Variants in TAFA4 observed in about 807,000 individuals in gnomAD.
TAFA4 encodes TAFA chemokine like family member 4.
A neutral mutation model predicts 21.1 loss-of-function variants in TAFA4; 20 were observed. The observed-to-expected ratio is 0.95, with a 90% CI of 0.67 to 1.38. TAFA4 has a LOEUF of 1.38. Among genes scored for constraint, TAFA4 ranks in the 40% most tolerant of loss-of-function variants. The probability of loss-of-function intolerance (pLI) is 0.00; values close to 1 mark genes in which losing one functional copy is unlikely to be tolerated. For synonymous variants in TAFA4, 71 were observed against 67.4 expected (o/e 1.05, Z -0.26); for missense variants, 211 against 180.9 (o/e 1.17, Z -0.95).
chr3:68,733,087 A>G lies in TAFA4; in HGVS notation c.*55T>C. 2 of 1,610,814 alleles carry G rather than the reference A, an allele frequency of 1.2e-6. No homozygotes were observed. The highest frequency in any genetic ancestry group is 1.7e-6 in the Non-Finnish European group (2 of 1,178,452). ...AAGGGGCCATGATGGGAATCCAAGC[A>G]AAAGAGCTCCGCCTCCTGCTGCCCC... On this transcript the variant is annotated 3_prime_UTR_variant, in exon 6 of 6. Coordinates refer to ENST00000295569, the MANE Select transcript of TAFA4 (RefSeq NM_182522.5).
intron 1 of TAFA4, among the ~76,000 whole-genome samples, chr3:68,906,529 G>A (rs2089902427): frequency 6.6e-6 from 1 of 152,152 alleles, no homozygotes; most frequent in Non-Finnish European, 1.5e-5. Flanking sequence ...TAATAATTTG[G>A]GAAAGGTTGC....
At chr3:68,769,367 T>C (rs996671761) in intron 3 of TAFA4, among the ~76,000 whole-genome samples, 1 of 152,152 alleles carries the variant, frequency 6.6e-6, no homozygotes, top group Non-Finnish European at 1.5e-5. Context: ...AATGTAATAA[T>C]AATAGAAATA....
intron 5 of TAFA4, 21 bp from the exon 6 acceptor site, chr3:68,733,174 G>A (rs1229831516): frequency 1.2e-6 from 2 of 1,612,058 alleles, no homozygotes; most frequent in Non-Finnish European, 8.5e-7. Context: ...TCAAAATAAG[G>A]GAACATTCAA....
At chr3:68,880,686 G>A in intron 3 of TAFA4, 44 bp downstream of exon 3, 1 of 1,501,952 alleles carries the variant, frequency 6.7e-7, no homozygotes, top group Non-Finnish European at 9.3e-7. Flanking sequence ...CATTTGGAGG[G>A]GTTTTATTAT....
intron 1 of TAFA4, among the ~76,000 whole-genome samples, chr3:68,920,231 A>T (rs2107021211): frequency 6.6e-6 from 1 of 152,358 alleles, no homozygotes; most frequent in South Asian, 2.1e-4. Context: ...CCAGTAAGCA[A>T]AAAAATACAA....
At chr3:68,804,435 A>G (rs1488003627) in intron 3 of TAFA4, among the ~76,000 whole-genome samples, 1 of 152,196 alleles carries the variant, frequency 6.6e-6, no homozygotes, top group African/African-American at 2.4e-5. Context: ...TCTTCACAGA[A>G]TTGGAAAAAA....
intron 3 of TAFA4, among the ~76,000 whole-genome samples, chr3:68,820,863 CATGTT>C (rs748954114): frequency 1.2e-4 from 19 of 152,126 alleles, no homozygotes; most frequent in Non-Finnish European, 2.8e-4. Flanking sequence ...ATTAAAGTCT[CATGTT>C]ATGCACAAAA....
chr3:68,879,876 C>A (rs1446913714), intron 3 of TAFA4, among the ~76,000 whole-genome samples: 1 of 152,206 alleles, frequency 6.6e-6, no homozygotes, highest in African/African-American at 2.4e-5. Flanking sequence ...TCAGGCATCA[C>A]TCTTTCCCAA....
intron 3 of TAFA4, among the ~76,000 whole-genome samples, chr3:68,775,749 C>T (rs1703036388): frequency 6.6e-6 from 1 of 152,138 alleles, no homozygotes; most frequent in African/African-American, 2.4e-5. Context: ...ATGATAGCAA[C>T]AACCAAAAAC....
intron 3 of TAFA4, among the ~76,000 whole-genome samples, chr3:68,776,629 A>G (rs1703054672): frequency 6.6e-6 from 1 of 152,176 alleles, no homozygotes; most frequent in Non-Finnish European, 1.5e-5. Context: ...ACCACCATCA[A>G]TCACAGCAGA....
intron 3 of TAFA4, among the ~76,000 whole-genome samples, chr3:68,772,111 C>A (rs1202641551): frequency 1.3e-5 from 2 of 151,940 alleles, no homozygotes; most frequent in Non-Finnish European, 2.9e-5. Flanking sequence ...TCAGGGATGA[C>A]ATAAAATAGA....
At chr3:68,787,541 A>G (rs934792382) in intron 3 of TAFA4, among the ~76,000 whole-genome samples, 1 of 152,184 alleles carries the variant, frequency 6.6e-6, no homozygotes, top group African/African-American at 2.4e-5. Context: ...TAAAGAAGAA[A>G]GAAGGGAAGA....
chr3:68,782,550 A>G (rs760714338), intron 3 of TAFA4, among the ~76,000 whole-genome samples: 1 of 152,350 alleles, frequency 6.6e-6, no homozygotes, highest in Non-Finnish European at 1.5e-5. Flanking sequence ...TAAATTATCC[A>G]GTGATTGAAA....
At chr3:68,909,787 T>C (rs549614440) in intron 1 of TAFA4, among the ~76,000 whole-genome samples, 19 of 152,358 alleles carry the variant, frequency 1.2e-4, no homozygotes, top group African/African-American at 4.3e-4. Context: ...TGACTTCAAG[T>C]AATATACATT....
In TAFA4 at chr3:68,739,733, G is replaced by A. The variant is rs553664896; in HGVS notation, c.287-534C>T. ...TCCTGTCTTTTACAGCACCATGGAT[G>A]GAACTGGAGATCATTATCTTAAGTG... On this transcript the variant is annotated intron_variant, in intron 4 of 5. Coordinates refer to ENST00000295569, the MANE Select transcript of TAFA4 (RefSeq NM_182522.5). Among the ~76,000 whole-genome samples, 3 of 152,336 alleles carry A rather than the reference G, an allele frequency of 2.0e-5. No individual in the cohort carries two copies. The South Asian group carries it at 6.2e-4, about 32-fold the overall frequency.
intron 3 of TAFA4, among the ~76,000 whole-genome samples, chr3:68,874,590 G>C (rs1049750463): frequency 3.3e-5 from 5 of 152,142 alleles, no homozygotes; most frequent in Non-Finnish European, 7.4e-5. Flanking sequence ...AAGAAAAAGG[G>C]AAATTTCTTC....
chr3:68,800,342 T>C (rs375509533), intron 3 of TAFA4, among the ~76,000 whole-genome samples: 7 of 152,230 alleles, frequency 4.6e-5, no homozygotes, highest in African/African-American at 1.7e-4. Context: ...TTGTGTTGTT[T>C]TGAGCAACTC....
intron 3 of TAFA4, among the ~76,000 whole-genome samples, chr3:68,766,115 A>G (rs1702849860): frequency 6.6e-6 from 1 of 152,162 alleles, no homozygotes; most frequent in Non-Finnish European, 1.5e-5. Flanking sequence ...TAAACATACC[A>G]ATAATAGTAG....
intron 3 of TAFA4, among the ~76,000 whole-genome samples, chr3:68,859,060 C>G (rs2089291920): frequency 1.3e-5 from 2 of 151,904 alleles, no homozygotes; most frequent in African/African-American, 2.4e-5. Flanking sequence ...AAGAAATAAT[C>G]TGTTATTATT....
Sources: allele counts gnomAD v4.1 joint callset (sites outside exome capture counted in the v4.1 genomes callset), GRCh38; gene constraint gnomAD v4.1.1; transcripts MANE v1.5; gene names NCBI Gene and HGNC (gene_info 2026-07-23, HGNC 2026-07-21).